Variants in DNAJB6 observed in about 807,000 individuals in gnomAD.
DNAJB6 encodes DnaJ heat shock protein family (Hsp40) member B6, also known as dnaJ homolog subfamily B member 6.
In DNAJB6, 16 loss-of-function variants were observed where a neutral mutation model predicts 42.7. The observed-to-expected ratio is 0.37, with a 90% CI of 0.25 to 0.57. The LOEUF (loss-of-function observed/expected upper bound fraction) is 0.57. Ranked by LOEUF, DNAJB6 falls within the 20% of genes least tolerant of loss-of-function variation. The pLI is 0.74. For missense variants in DNAJB6, 347 were observed against 416.8 expected, an observed-to-expected ratio of 0.83 and a Z score of 1.46; for synonymous variants, 170 against 163.5, an observed-to-expected ratio of 1.04 and a Z score of -0.30.
chr7:157,362,718 T>C (rs567747454), intron 2 of DNAJB6, among the ~76,000 whole-genome samples: 19 of 152,364 alleles, frequency 1.2e-4, no homozygotes, highest in Middle Eastern at 3.4e-3. Context: ...TCAGTCCACG[T>C]TGTGGACACT....
At chr7:157,391,164 A>G (rs1584933774) in intron 8 of DNAJB6, among the ~76,000 whole-genome samples, 1 of 152,190 alleles carries the variant, frequency 6.6e-6, no homozygotes, top group Non-Finnish European at 1.5e-5. Flanking sequence ...ATGTCAGGAC[A>G]TTGCTGGTAG....
At chr7:157,371,283 A>T (rs1800197891) in intron 5 of DNAJB6, among the ~76,000 whole-genome samples, 1 of 152,220 alleles carries the variant, frequency 6.6e-6, no homozygotes, top group African/African-American at 2.4e-5. Context: ...TTTCCACGTG[A>T]CGAAAAAGTA....
At chr7:157,344,931 C>T (rs991715834) in intron 1 of DNAJB6, among the ~76,000 whole-genome samples, 3 of 152,046 alleles carry the variant, frequency 2.0e-5, no homozygotes, top group Non-Finnish European at 4.4e-5. Context: ...TTTTAAAGTG[C>T]TACTTTACAG....
chr7:157,400,407 C>G (rs561218350), intron 8 of DNAJB6, among the ~76,000 whole-genome samples: 1 of 152,348 alleles, frequency 6.6e-6, no homozygotes, highest in African/African-American at 2.4e-5. Context: ...TGCAGCAGGC[C>G]GGCTGGTGGA....
chr7:157,367,044 G>A (rs1408445365), intron 4 of DNAJB6, among the ~76,000 whole-genome samples: 1 of 152,220 alleles, frequency 6.6e-6, no homozygotes, highest in Non-Finnish European at 1.5e-5. Flanking sequence ...AGTCGTCGAA[G>A]TGGATGCAGA....
chr7:157,396,530 G>A (rs1353324538), intron 8 of DNAJB6, among the ~76,000 whole-genome samples: 2 of 152,194 alleles, frequency 1.3e-5, no homozygotes, highest in Non-Finnish European at 2.9e-5. Context: ...GGGACAGGCA[G>A]CCCAAGGCTG....
chr7:157,344,974 T>C (rs1279581849), intron 1 of DNAJB6, among the ~76,000 whole-genome samples: 3 of 152,144 alleles, frequency 2.0e-5, no homozygotes, highest in Admixed American at 1.3e-4. Context: ...TTTTTAACTT[T>C]AAAGTTTTTT....
intron 5 of DNAJB6, 105 bp downstream of exon 5, chr7:157,367,588 C>A (rs940929032): frequency 5.1e-6 from 4 of 777,644 alleles, no homozygotes; most frequent in African/African-American, 1.7e-5. Context: ...AGGCTGGGCG[C>A]GGTGGCTCAT....
chr7:157,409,919 G>T lies in DNAJB6; in HGVS notation c.816G>T (p.Ala272=). 6.5e-7 allele frequency: 1 copy of T among 1,535,748 alleles called. No homozygotes were observed. The change falls in exon 9 of 10, where the codon GCG becomes GCT. Residue 272 remains alanine, a synonymous_variant. Coordinates refer to ENST00000262177, the MANE Select transcript of DNAJB6 (RefSeq NM_058246.4). ...GGCCTGCCTCGCTGCTGAGACACGC[G>T]CCTCACTGTCTCTCTGAGGAGGAGG... ...PPRPASLLRH[A]PHCLSEEEGE...
At position 157,382,312 on chromosome 7, in the gene DNAJB6, G is replaced by A. The variant is rs775051801; in HGVS notation, c.413G>A (p.Gly138Glu). The A allele has an allele frequency of 4.3e-6, 7 of 1,612,114 alleles. No homozygotes were observed. Among genetic ancestry groups the A allele is most frequent in the Non-Finnish European group, 5.9e-6 (7 of 1,179,760 alleles). The change falls in exon 6 of 10, where the codon GGG becomes GAG. Residue 138 changes from glycine to glutamate, a missense_variant. Transcript: ENST00000262177. ...CGAGGAAGCAGAAGCCGAGGGACGGGGTCGTTTTTCTCTGCGTTCAGTGGA... is the reference window on the plus strand; with the variant it reads ...CGAGGAAGCAGAAGCCGAGGGACGGAGTCGTTTTTCTCTGCGTTCAGTGGA... ...GPRGSRSRGT[G>E]SFFSAFSGFP...
intron 8 of DNAJB6, among the ~76,000 whole-genome samples, chr7:157,404,421 G>A (rs929682274): frequency 8.0e-5 from 12 of 150,448 alleles, no homozygotes; most frequent in Admixed American, 1.3e-4. Context: ...CCTCCAGAGC[G>A]GCTGGGACTG....
intron 1 of DNAJB6, among the ~76,000 whole-genome samples, chr7:157,354,539 C>A (rs1211768832): frequency 6.6e-6 from 1 of 151,862 alleles, no homozygotes; most frequent in Non-Finnish European, 1.5e-5. Flanking sequence ...AGTGCTGTGG[C>A]ACGCTTTCGA....
intron 8 of DNAJB6, among the ~76,000 whole-genome samples, chr7:157,407,583 C>T (rs1043796424): frequency 6.6e-6 from 1 of 152,144 alleles, no homozygotes; most frequent in African/African-American, 2.4e-5. Flanking sequence ...TCTCCTCTCT[C>T]CCTCCAAGGT....
rs544373930 is a variant in DNAJB6 at position 157,345,805 on chromosome 7, G to T, written c.-27+8661G>T. Among the ~76,000 whole-genome samples the T allele has an allele frequency of 2.6e-5, 4 of 152,302 alleles. No homozygotes were observed. In the South Asian group the frequency reaches 8.3e-4, roughly 32 times the overall value. ...ATGGTTTTAAAAAGGTTTTTGCCAAGTGGGGTTCTAATGGACACCTATGCT... is the reference window on the plus strand; with the variant it reads ...ATGGTTTTAAAAAGGTTTTTGCCAATTGGGGTTCTAATGGACACCTATGCT... On this transcript the variant is annotated intron_variant, in intron 1 of 9. Transcript: ENST00000262177.
At chr7:157,403,286 T>A (rs533190047) in intron 8 of DNAJB6, among the ~76,000 whole-genome samples, 1 of 152,250 alleles carries the variant, frequency 6.6e-6, no homozygotes, top group South Asian at 2.1e-4. Flanking sequence ...AGCAGTCAGA[T>A]ATGCGTTTGT....
At chr7:157,340,691 C>T (rs907659813) in intron 1 of DNAJB6, among the ~76,000 whole-genome samples, 1 of 152,150 alleles carries the variant, frequency 6.6e-6, no homozygotes, top group African/African-American at 2.4e-5. Flanking sequence ...GACTGATTTA[C>T]TTGAGATGGA....
At chr7:157,400,107 A>G (rs1485162557) in intron 8 of DNAJB6, among the ~76,000 whole-genome samples, 1 of 152,198 alleles carries the variant, frequency 6.6e-6, no homozygotes, top group Non-Finnish European at 1.5e-5. Flanking sequence ...GTAGATATTG[A>G]TCACTAATAA....
At chr7:157,388,482 C>T (rs373843090) in intron 8 of DNAJB6, among the ~76,000 whole-genome samples, 9 of 152,312 alleles carry the variant, frequency 5.9e-5, no homozygotes, top group East Asian at 1.9e-4. Flanking sequence ...CGCTCCTTAA[C>T]GGCACGTATC....
chr7:157,361,283 C>T (rs181804642), intron 2 of DNAJB6, among the ~76,000 whole-genome samples: 6 of 151,754 alleles, frequency 4.0e-5, no homozygotes, highest in South Asian at 2.1e-4. Flanking sequence ...CTTAGCCTCC[C>T]GAGTAGGTGG....
Sources: gnomAD v4.1 joint callset for allele counts (sites outside exome capture counted in the v4.1 genomes callset) on GRCh38, gnomAD v4.1.1 for gene constraint, MANE v1.5 for transcripts, NCBI Gene and HGNC (gene_info 2026-07-23, HGNC 2026-07-21) for gene names.